Variants in ABCC3 observed in about 807,000 individuals in gnomAD.
The protein encoded by ABCC3 is ATP-binding cassette sub-family C member 3.
In ABCC3, 121 loss-of-function variants were observed where a neutral mutation model predicts 165.3. That is an observed-to-expected ratio of 0.73 (90% CI 0.63 to 0.85). The LOEUF (loss-of-function observed/expected upper bound fraction) is 0.85, where lower values mean the gene tolerates loss of function less well. Ranked by LOEUF, ABCC3 falls within the 40% of genes least tolerant of loss-of-function variation. ABCC3 has a pLI of 0.00. For synonymous variants in ABCC3, 733 were observed against 810.1 expected, an observed-to-expected ratio of 0.90 and a Z score of 1.62; for missense variants, 1,869 against 1,964.1, an observed-to-expected ratio of 0.95 and a Z score of 0.92.
At position 50,676,364 on chromosome 17, in the gene ABCC3, A is replaced by C. The variant is rs1967808144; in HGVS notation, c.3154A>C (p.Lys1052Gln). Residue 1052 changes from lysine (K) to glutamine (Q), a missense_variant, in exon 23 of 31, where the codon AAG becomes CAG. By Grantham distance (53) the Lys-to-Gln change is moderately conservative (BLOSUM62 1). Transcript: ENST00000285238. ...RVLHQALLHN[K>Q]IRSPQSFFDT... ...GTTGCACCAGGCACTGCTGCACAAC[A>C]AGATACGCTCGCCACAGTCCTTCTT... The C allele has an allele frequency of 6.2e-7, 1 of 1,614,186 alleles. No homozygotes were observed. Among genetic ancestry groups the C allele is most frequent in the Non-Finnish European group, 8.5e-7 (1 of 1,180,016 alleles).
chr17:50,654,912 T>G (rs1177650757), intron 1 of ABCC3, among the ~76,000 whole-genome samples: 6 of 107,808 alleles, frequency 5.6e-5, no homozygotes, highest in Admixed American at 9.8e-5. Context: ...CTAACACAGG[T>G]GAAACTCCAT....
At chr17:50,684,196 AC>A in intron 28 of ABCC3, 89 bp downstream of exon 28, 1 of 1,487,816 alleles carries the variant, frequency 6.7e-7, no homozygotes. Context: ...GGAGACTGGG[AC>A]CCCAGTCTCA....
intron 3 of ABCC3, 58 bp downstream of exon 3, chr17:50,656,885 T>C (rs1021639883): frequency 1.3e-6 from 2 of 1,560,492 alleles, no homozygotes; most frequent in Non-Finnish European, 8.7e-7. Context: ...TTGTGGACTG[T>C]GATAGGGAAA....
At position 50,658,612 on chromosome 17, in the gene ABCC3, C is replaced by G. The variant is rs1967310674; in HGVS notation, c.674+116C>G. Reference sequence around the variant, plus strand: ...CGGGCTGGCCACCTATCCCACCCCCCACCGCAGTGGGCACAGGGCAGATGA... The same window carrying G: ...CGGGCTGGCCACCTATCCCACCCCCGACCGCAGTGGGCACAGGGCAGATGA... On this transcript the variant is annotated intron_variant, in intron 6 of 30. Coordinates refer to ENST00000285238, the MANE Select transcript of ABCC3 (RefSeq NM_003786.4). The G allele has an allele frequency of 9.6e-6, 11 of 1,142,114 alleles. No homozygotes were observed. In the South Asian group the frequency reaches 1.3e-4, roughly 13 times the overall value. The allele number at this position is 1,142,114 out of a possible 1,614,324, so 70.7% of individuals were successfully genotyped here.
Position 50,675,486 on chromosome 17 carries a change from TG to T in ABCC3, c.2714+11del. The T allele has an allele frequency of 6.2e-7, 1 of 1,610,628 alleles. No individual in the cohort carries two copies. The highest frequency in any genetic ancestry group is 8.5e-7 in the Non-Finnish European group (1 of 1,178,044). On this transcript the variant is annotated intron_variant, in intron 20 of 30. Transcript: ENST00000285238. ...AGAAGCAGTTTATGAGGTGAGTTCC[TG>T]AGAGCTCCCAGCCCTCCCGGAGGCT...
intron 29 of ABCC3, among the ~76,000 whole-genome samples, chr17:50,685,528 CT>C (rs756600499): frequency 2.6e-5 from 4 of 152,188 alleles, no homozygotes; most frequent in Non-Finnish European, 4.4e-5. Context: ...GCAAAATAAA[CT>C]GTAATACTAT....
At position 50,669,412 on chromosome 17, in the gene ABCC3, G is replaced by C; in HGVS notation, c.2125G>C (p.Val709Leu). ...CCAGAACTGCACTCTTCAGGAAAACGTGCTTTTCGGCAAAGCCCTGAACCC... is the reference window on the plus strand; with the variant it reads ...CCAGAACTGCACTCTTCAGGAAAACCTGCTTTTCGGCAAAGCCCTGAACCC... The part of the protein sequence containing the change: ...WIQNCTLQEN[V>L]LFGKALNPKR... Residue 709 changes from valine to leucine, a missense_variant, in exon 17 of 31, where the codon GTG becomes CTG. Transcript: ENST00000285238. 1 of 1,614,252 alleles carries C rather than the reference G, an allele frequency of 6.2e-7. No individual in the cohort carries two copies. Among genetic ancestry groups the C allele is most frequent in the Non-Finnish European group, 8.5e-7 (1 of 1,180,044 alleles).
At chr17:50,669,954 C>G (rs1967612598) in intron 17 of ABCC3, among the ~76,000 whole-genome samples, 2 of 152,128 alleles carry the variant, frequency 1.3e-5, no homozygotes, top group Non-Finnish European at 2.9e-5. Context: ...TGCCACCATA[C>G]CCAGCTAAAT....
rs150937523 is a variant in ABCC3 at position 50,656,581 on chromosome 17, C to T, written c.223-121C>T. The stretch of plus-strand genomic sequence containing the variant: ...CTTCTGGTCAGCTCCATTCCCAGAC[C>T]TCAGTGCCAGTCCCAGGCAGGTCTA... On this transcript the variant is annotated intron_variant, in intron 2 of 30. Coordinates refer to ENST00000285238, the MANE Select transcript of ABCC3 (RefSeq NM_003786.4). 1.4e-4 allele frequency: 197 copies of T among 1,373,022 alleles called. 3 individuals are homozygous for T. The African/African-American group carries it at 2.1e-3, about 15-fold the overall frequency. The allele number at this position is 1,373,022 out of a possible 1,614,324, so 85.1% of individuals were successfully genotyped here.
intron 1 of ABCC3, among the ~76,000 whole-genome samples, chr17:50,649,042 G>A (rs1431261696): frequency 6.6e-6 from 1 of 151,480 alleles, no homozygotes; most frequent in African/African-American, 2.4e-5. Flanking sequence ...AACCTCAGAG[G>A]CAGAGGTTGC....
intron 20 of ABCC3, 34 bp from the exon 21 acceptor site, chr17:50,675,597 C>T: frequency 6.4e-7 from 1 of 1,559,388 alleles, no homozygotes; most frequent in Non-Finnish European, 8.7e-7. Flanking sequence ...GTGCTTGAGG[C>T]CCCCTCCCTG....
intron 11 of ABCC3, among the ~76,000 whole-genome samples, chr17:50,667,147 G>A (rs931854406): frequency 2.6e-5 from 4 of 152,194 alleles, no homozygotes; most frequent in African/African-American, 9.6e-5. Flanking sequence ...AAGGAGCCCA[G>A]GAGTTTGAGG....
chr17:50,684,667 G>A (rs780308642), intron 28 of ABCC3, 42 bp from the exon 29 acceptor site: 3 of 1,588,206 alleles, frequency 1.9e-6, no homozygotes, highest in Non-Finnish European at 2.6e-6. Flanking sequence ...GCTCCTCATA[G>A]GGCCTAAGCT....
chr17:50,635,871 A>G (rs1443362656), intron 1 of ABCC3: 2 of 363,544 alleles, frequency 5.5e-6, no homozygotes, highest in East Asian at 8.9e-5. Context: ...CGAAAGAGTG[A>G]GACCCTGTCT....
chr17:50,656,858 G>A (rs1483747166), intron 3 of ABCC3, 31 bp downstream of exon 3: 2 of 1,587,470 alleles, frequency 1.3e-6, no homozygotes, highest in Non-Finnish European at 1.7e-6. Context: ...AAGTGGATGG[G>A]GGAGGTCTCC....
chr17:50,661,060 C>T lies in ABCC3; in HGVS notation c.944C>T (p.Ala315Val), dbSNP rs779829965. ...ATFGSSFLIS[A>V]CFKLIQDLLS... ...TTCGGCTCCAGCTTCCTCATCAGTG[C>T]CTGCTTCAAGCTTATCCAGGACCTG... The change falls in exon 8 of 31, where the codon GCC becomes GTC. Residue 315 changes from alanine to valine, a missense_variant. Transcript: ENST00000285238. The T allele has an allele frequency of 1.2e-5, 20 of 1,614,200 alleles. No homozygotes were observed. In the South Asian group the frequency reaches 2.1e-4, roughly 17 times the overall value.
rs35669870 is a variant in ABCC3 at position 50,658,476 on chromosome 17, G to T, written c.654G>T (p.Leu218=). The T allele has an allele frequency of 6.2e-7, 1 of 1,614,016 alleles. No homozygotes were observed. The highest frequency in any genetic ancestry group is 1.3e-5 in the African/African-American group (1 of 74,932). The part of the protein sequence containing the change: ...PETSAGFLSR[L]FFWWFTKMAI... Reference sequence around the variant, plus strand: ...CCAGCGCTGGCTTTCTCTCCCGCCTGTTTTTCTGGTGGTTCACAAAGTGAG... The same window carrying T: ...CCAGCGCTGGCTTTCTCTCCCGCCTTTTTTTCTGGTGGTTCACAAAGTGAG... Residue 218 remains leucine (L), a synonymous_variant, in exon 6 of 31, where the codon CTG becomes CTT. Coordinates refer to ENST00000285238, the MANE Select transcript of ABCC3 (RefSeq NM_003786.4).
At chr17:50,646,579 C>T (rs1012198595) in intron 1 of ABCC3, among the ~76,000 whole-genome samples, 2 of 152,196 alleles carry the variant, frequency 1.3e-5, no homozygotes, top group Admixed American at 6.5e-5. Flanking sequence ...GAGGAAAGGA[C>T]TGAGCTCCAG....
At chr17:50,656,652 A>T (rs761563377) in intron 2 of ABCC3, 50 bp from the exon 3 acceptor site, 2 of 1,568,828 alleles carry the variant, frequency 1.3e-6, no homozygotes, top group African/African-American at 2.7e-5. Flanking sequence ...CCCAGTGAGG[A>T]CTGTCCTTGC....
Sources: allele counts gnomAD v4.1 joint callset (sites outside exome capture counted in the v4.1 genomes callset), GRCh38; gene constraint gnomAD v4.1.1; transcripts MANE v1.5; gene names NCBI Gene and HGNC (gene_info 2026-07-23, HGNC 2026-07-21).